The following ECEL1 variants were observed in gnomAD, a reference collection of about 807,000 sequenced individuals.
ECEL1 encodes endothelin converting enzyme like 1, also known as endothelin-converting enzyme-like 1.
ECEL1 carries 87 observed loss-of-function variants against 101.8 expected under a neutral mutation model. The observed-to-expected ratio is 0.85, with a 90% CI of 0.72 to 1.02. The LOEUF (loss-of-function observed/expected upper bound fraction) is 1.02, where lower values mean the gene tolerates loss of function less well. ECEL1 is among the 50% of genes least tolerant of loss of function. The pLI is 0.00. For missense variants in ECEL1, 1,032 were observed against 1,079.2 expected (o/e 0.96, Z 0.61); for synonymous variants, 487 against 468.7 (o/e 1.04, Z -0.50).
chr2:232,481,953 C>G, intron 12 of ECEL1, 104 bp from the exon 13 acceptor site: 1 of 1,489,622 alleles, frequency 6.7e-7, no homozygotes, highest in Non-Finnish European at 9.2e-7. Context: ...GGAGGTGGCA[C>G]AGGGAGGCCA....
At position 232,486,229 on chromosome 2, in the gene ECEL1, T is replaced by C. The variant is rs778539911; in HGVS notation, c.425A>G (p.Asp142Gly). The change falls in exon 2 of 18, where the codon GAC becomes GGC. Residue 142 changes from aspartate to glycine, a missense_variant. Asp to Gly is a moderately conservative substitution (Grantham distance 94). Transcript: ENST00000304546. The part of the protein sequence containing the change: ...GGWLRRHAIP[D>G]DKLTYGTIAA... ...GATGGTGCCATAGGTGAGCTTGTCG[T>C]CGGGGATGGCGTGGCGCCGCAGCCA... 7 of 1,601,416 alleles carry C rather than the reference T, an allele frequency of 4.4e-6. No homozygotes were observed. The highest frequency in any genetic ancestry group is 4.5e-5 in the East Asian group (2 of 44,506).
intron 7 of ECEL1, 81 bp downstream of exon 7, chr2:232,483,920 C>T: frequency 1.4e-6 from 2 of 1,448,642 alleles, no homozygotes; most frequent in South Asian, 1.4e-5. Context: ...ATGTGGGGCT[C>T]CCCATATTAG....
At chr2:232,482,521 C>A in intron 11 of ECEL1, 29 bp downstream of exon 11, 1 of 1,614,006 alleles carries the variant, frequency 6.2e-7, no homozygotes, top group Non-Finnish European at 8.5e-7. Flanking sequence ...GGACCCTGCC[C>A]CGCCCGGCGT....
chr2:232,482,340 G>A (rs539994434), intron 12 of ECEL1, 78 bp downstream of exon 12: 33 of 1,597,954 alleles, frequency 2.1e-5, no homozygotes, highest in East Asian at 1.3e-4. Flanking sequence ...GCCACAGTAC[G>A]CCGACACACA....
At chr2:232,481,740 T>G (rs1167272311) in intron 13 of ECEL1, 42 bp downstream of exon 13, 5 of 1,537,038 alleles carry the variant, frequency 3.3e-6, no homozygotes, top group Non-Finnish European at 8.8e-7. Context: ...CTGCCTGTCC[T>G]GCCCCCTCCG....
chr2:232,480,966 C>A, intron 15 of ECEL1, 125 bp downstream of exon 15: 1 of 1,398,236 alleles, frequency 7.2e-7, no homozygotes, highest in Non-Finnish European at 9.8e-7. Context: ...CAGCACATGC[C>A]CTGCCCCACC....
At chr2:232,480,334 C>T in intron 17 of ECEL1, 65 bp downstream of exon 17, 3 of 1,612,288 alleles carry the variant, frequency 1.9e-6, no homozygotes, top group Non-Finnish European at 2.5e-6. Flanking sequence ...TTATTCCTTC[C>T]CATGCCCCCT....
chr2:232,480,892 C>T (rs907311174), intron 15 of ECEL1, 79 bp from the exon 16 acceptor site: 3 of 1,443,198 alleles, frequency 2.1e-6, no homozygotes, highest in Non-Finnish European at 1.9e-6. Flanking sequence ...ATCTAGGTAG[C>T]CCTCCCTGCT....
At chr2:232,483,338 C>A in intron 8 of ECEL1, 78 bp downstream of exon 8, 1 of 1,558,416 alleles carries the variant, frequency 6.4e-7, no homozygotes. Flanking sequence ...CTCTTTGTCC[C>A]TTTTGTTCTC....
Position 232,481,098 on chromosome 2 carries a change from G to A in ECEL1, c.2048C>T (p.Ala683Val). The change falls in exon 15 of 18, where the codon GCC becomes GTC. Residue 683 changes from alanine (A) to valine (V), a missense_variant. Ala to Val is a moderately conservative substitution (Grantham distance 64). Coordinates refer to ENST00000304546, the MANE Select transcript of ECEL1 (RefSeq NM_004826.4). ...NIADMGGLKLAYHAYQKWVRE... is the reference protein window; with the variant it reads ...NIADMGGLKLVYHAYQKWVRE... Reference sequence around the variant, plus strand: ...CACAGGCAGGCCGCTCACGTGGTAGGCCAGCTTGAGGCCGCCCATATCTGC... The same window carrying A: ...CACAGGCAGGCCGCTCACGTGGTAGACCAGCTTGAGGCCGCCCATATCTGC... The A allele has an allele frequency of 6.4e-7, 1 of 1,560,436 alleles. No individual in the cohort carries two copies. The highest frequency in any genetic ancestry group is 8.7e-7 in the Non-Finnish European group (1 of 1,152,338).
intron 2 of ECEL1, 98 bp from the exon 3 acceptor site, chr2:232,485,365 T>G: frequency 7.3e-7 from 1 of 1,377,592 alleles, no homozygotes; most frequent in African/African-American, 1.4e-5. Context: ...CAACCAGACA[T>G]CCATGAGTAC....
At position 232,486,679 on chromosome 2, in the gene ECEL1, C is replaced by A. The variant is rs1056440199; in HGVS notation, c.-26G>T. The A allele has an allele frequency of 6.8e-7, 1 of 1,473,558 alleles. No individual in the cohort carries two copies. The highest frequency in any genetic ancestry group is 8.9e-7 in the Non-Finnish European group (1 of 1,124,168). The allele number at this position is 1,473,558 out of a possible 1,614,324, so 91.3% of individuals were successfully genotyped here. ...GGCGCCGAGGCCGCCGCGGTGCAGA[C>A]CTGGGCCACCTGGGCTACGGGATGC... On this transcript the variant is annotated 5_prime_UTR_variant, in exon 2 of 18. Coordinates refer to ENST00000304546, the MANE Select transcript of ECEL1 (RefSeq NM_004826.4).
rs1269477192 is a variant in ECEL1, at chr2:232,480,747, C to T, written c.2122G>A (p.Asp708Asn). The change falls in exon 16 of 18, where the codon GAC becomes AAC. Residue 708 changes from aspartate (D) to asparagine (N), a missense_variant. By Grantham distance (23) the Asp-to-Asn change is conservative. Coordinates refer to ENST00000304546, the MANE Select transcript of ECEL1 (RefSeq NM_004826.4). ...GCAAAGGCAATGAAGAAGAGCTGGT[C>T]ATGTGTGTACTTGAGCCGGGGAAGT... is the stretch of plus-strand genomic sequence containing the variant. Reference protein sequence around the residue: ...HPLPRLKYTHDQLFFIAFAQN... With the variant: ...HPLPRLKYTHNQLFFIAFAQN... 1 of 1,613,976 alleles carries T rather than the reference C, an allele frequency of 6.2e-7. No individual in the cohort carries two copies. The highest frequency in any genetic ancestry group is 2.2e-5 in the East Asian group (1 of 44,900).
rs143863319 is a variant in ECEL1 at position 232,480,170 on chromosome 2, T to C, written c.2311A>G (p.Lys771Glu). The C allele has an allele frequency of 9.3e-5, 150 of 1,613,396 alleles. No individual in the cohort carries two copies. The highest frequency in any genetic ancestry group is 1.3e-4 in the Non-Finnish European group (148 of 1,179,834). Residue 771 changes from lysine (K) to glutamate (E), a missense_variant, in exon 18 of 18, where the codon AAG (lysine) becomes GAG (glutamate). Lys to Glu is a moderately conservative substitution (Grantham distance 56). Transcript: ENST00000304546. ...PKDSPMNPAH[K>E]CSVW The stretch of plus-strand genomic sequence containing the variant: ...AGCCAGGCTCACCACACGGAACACT[T>C]GTGGGCAGGGTTCATGGGTGAGTCC...
At chr2:232,484,414 G>C (rs1690665630) in intron 6 of ECEL1, 58 bp downstream of exon 6, 1 of 1,602,096 alleles carries the variant, frequency 6.2e-7, no homozygotes, top group Admixed American at 1.7e-5. Flanking sequence ...AGAGGTCCAG[G>C]GTGCAGGGGA....
At chr2:232,480,605 G>A in intron 16 of ECEL1, 113 bp downstream of exon 16, 1 of 1,495,804 alleles carries the variant, frequency 6.7e-7, no homozygotes, top group Non-Finnish European at 9.2e-7. Context: ...TGACGGGACA[G>A]GTGATGACAG....
At chr2:232,483,894 C>G in intron 7 of ECEL1, 107 bp downstream of exon 7, 2 of 1,277,846 alleles carry the variant, frequency 1.6e-6, no homozygotes, top group Non-Finnish European at 2.2e-6. Context: ...GCCTGGTCCC[C>G]CTGCCTGCAG....
In ECEL1 at chr2:232,483,187, C is replaced by G. The variant is rs1690629073; in HGVS notation, c.1507-8G>C. On this transcript the variant is annotated splice_region_variant and splice_polypyrimidine_tract_variant and intron_variant, in intron 8 of 17. Transcript: ENST00000304546. Reference sequence around the variant, plus strand: ...CACCATCATGTACTGGAGCTGCGGGCCGAGGGCAGGTGAAGGTGGCACCAG... The same window carrying G: ...CACCATCATGTACTGGAGCTGCGGGGCGAGGGCAGGTGAAGGTGGCACCAG... 30 of 1,597,778 alleles carry G rather than the reference C, an allele frequency of 1.9e-5. No individual in the cohort carries two copies. In the Middle Eastern group the frequency reaches 5.0e-4, roughly 26 times the overall value.
In ECEL1 at chr2:232,486,548, C is replaced by G; in HGVS notation, c.106G>C (p.Gly36Arg). Residue 36 changes from glycine (G) to arginine (R), a missense_variant, in exon 2 of 18, where the codon GGC (glycine) becomes CGC (arginine). Gly to Arg is a moderately radical substitution (Grantham distance 125). Transcript: ENST00000304546. ...CTGCGCGCAGCGCCCAACGGGAAGC[C>G]CGGGGGCAGGGAGGCCCCGCGCGCG... is the stretch of plus-strand genomic sequence containing the variant. ...GGARGASLPPGFPLGAARSAT... is the reference protein window; with the variant it reads ...GGARGASLPPRFPLGAARSAT... 7.4e-7 allele frequency: 1 copy of G among 1,353,360 alleles called. No homozygotes were observed. Among genetic ancestry groups the G allele is most frequent in the Admixed American group, 3.8e-5 (1 of 26,574 alleles). The allele number at this position is 1,353,360 out of a possible 1,614,324, so 83.8% of individuals were successfully genotyped here.
Sources: allele counts gnomAD v4.1 joint callset, GRCh38; gene constraint gnomAD v4.1.1; transcripts MANE v1.5; gene names NCBI Gene and HGNC (gene_info 2026-07-23, HGNC 2026-07-21).